The following DNAAF11 variants were observed in gnomAD, a reference collection of about 807,000 sequenced individuals.
DNAAF11 encodes the protein dynein axonemal assembly factor 11.
DNAAF11 carries 45 observed loss-of-function variants against 60.8 expected under a neutral mutation model. The ratio of observed to expected loss-of-function variants is 0.74; its 90% confidence interval spans 0.58 to 0.95. The LOEUF (loss-of-function observed/expected upper bound fraction) is 0.95. DNAAF11 is among the 40% of genes least tolerant of loss of function. The pLI, the probability that DNAAF11 is intolerant of heterozygous loss-of-function variation, is 0.00. For synonymous variants in DNAAF11, 191 were observed against 183.5 expected, an observed-to-expected ratio of 1.04 and a Z score of -0.33; for missense variants, 546 against 546.2, an observed-to-expected ratio of 1.00 and a Z score of 0.00.
chr8:132,611,040 A>G (rs1241169860), intron 9 of DNAAF11, among the ~76,000 whole-genome samples: 1 of 152,154 alleles, frequency 6.6e-6, no homozygotes, highest in Non-Finnish European at 1.5e-5. Flanking sequence ...GATTACGGGC[A>G]TGAGCCACCA....
intron 4 of DNAAF11, among the ~76,000 whole-genome samples, chr8:132,634,252 A>G (rs925726582): frequency 6.6e-6 from 1 of 152,208 alleles, no homozygotes; most frequent in African/African-American, 2.4e-5. Flanking sequence ...GAAAAACATA[A>G]CTAGTTACAC....
chr8:132,648,059 A>G (rs1251950370), intron 3 of DNAAF11, among the ~76,000 whole-genome samples: 1 of 152,160 alleles, frequency 6.6e-6, no homozygotes, highest in Non-Finnish European at 1.5e-5. Flanking sequence ...ACAACAAAAA[A>G]AGAGAGTTTC....
At chr8:132,675,287 G>C in intron 1 of DNAAF11, 197 bp downstream of exon 1, 1 of 545,820 alleles carries the variant, frequency 1.8e-6, no homozygotes, top group African/African-American at 2.0e-5. Flanking sequence ...AGCTGGAAAA[G>C]GCCAGGCTGT....
chr8:132,582,470 T>A (rs960016651), intron 11 of DNAAF11, among the ~76,000 whole-genome samples: 1 of 152,170 alleles, frequency 6.6e-6, no homozygotes, highest in South Asian at 2.1e-4. Flanking sequence ...CAAATTAGAT[T>A]CAGACTCTTT....
At chr8:132,609,661 T>G (rs1287980113) in intron 10 of DNAAF11, among the ~76,000 whole-genome samples, 1 of 152,176 alleles carries the variant, frequency 6.6e-6, no homozygotes, top group Non-Finnish European at 1.5e-5. Context: ...GAAAGTATGC[T>G]GCCCAAGTCA....
chr8:132,603,951 A>C (rs1817892984), intron 10 of DNAAF11, among the ~76,000 whole-genome samples: 1 of 152,194 alleles, frequency 6.6e-6, no homozygotes, highest in African/African-American at 2.4e-5. Context: ...GTTCATTCAT[A>C]GAATTAGGAA....
intron 6 of DNAAF11, among the ~76,000 whole-genome samples, chr8:132,623,900 C>T (rs1259765323): frequency 6.6e-6 from 1 of 152,106 alleles, no homozygotes; most frequent in African/African-American, 2.4e-5. Flanking sequence ...TCCCTGCTTA[C>T]ACCGAATTAA....
chr8:132,599,231 T>C (rs572231952), intron 10 of DNAAF11, among the ~76,000 whole-genome samples: 6 of 152,210 alleles, frequency 3.9e-5, no homozygotes, highest in East Asian at 1.9e-4. Context: ...CAGGAAGAAG[T>C]TGAATCCCTG....
intron 7 of DNAAF11, among the ~76,000 whole-genome samples, chr8:132,617,350 T>C (rs1409308806): frequency 2.0e-5 from 3 of 152,086 alleles, no homozygotes; most frequent in Admixed American, 1.3e-4. Flanking sequence ...GTCAGTAAGA[T>C]AGAAGAAAAA....
intron 10 of DNAAF11, among the ~76,000 whole-genome samples, chr8:132,589,014 C>T (rs1014759675): frequency 1.3e-5 from 2 of 152,152 alleles, no homozygotes; most frequent in Non-Finnish European, 2.9e-5. Context: ...CACCAGGCCC[C>T]ATCTCCAGCA....
rs374717230 is a variant in DNAAF11 at position 132,572,238 on chromosome 8, A to G, written c.*68T>C. The G allele has an allele frequency of 2.0e-5, 26 of 1,314,882 alleles. No homozygotes were observed. Among genetic ancestry groups the G allele is most frequent in the Non-Finnish European group, 1.3e-5 (12 of 949,346 alleles). 81.5% of individuals were successfully genotyped at this position (1,314,882 alleles called of 1,614,324 possible). A position where few individuals can be genotyped will look rare whatever the true frequency, so the allele number is the denominator to read the frequency against. ...TGTGTTTATCCCAGGAATAATATGC[A>G]TATGGTCTCTACACCAACCAAAACT... On this transcript the variant is annotated 3_prime_UTR_variant, in exon 12 of 12. Coordinates refer to ENST00000620350, the MANE Select transcript of DNAAF11 (RefSeq NM_012472.6).
At chr8:132,676,217 A>C (rs1381217020), upstream of DNAAF11, among the ~76,000 whole-genome samples, 1 of 152,054 alleles carries the variant, frequency 6.6e-6, no homozygotes, top group Non-Finnish European at 1.5e-5. Context: ...AAATGTAGGA[A>C]GTATATCTCC....
At chr8:132,622,794 A>C (rs1819891714) in intron 6 of DNAAF11, 106 bp from the exon 7 acceptor site, 1 of 793,818 alleles carries the variant, frequency 1.3e-6, no homozygotes, top group African/African-American at 1.7e-5. Flanking sequence ...TTTTAAAAAA[A>C]TTAATTGGAC....
At chr8:132,622,740 A>G in intron 6 of DNAAF11, 52 bp from the exon 7 acceptor site, 1 of 1,251,138 alleles carries the variant, frequency 8.0e-7, no homozygotes, top group South Asian at 1.3e-5. Flanking sequence ...AGAAAAAACA[A>G]GCAAAGAGAA....
At chr8:132,661,748 G>T in intron 1 of DNAAF11, 121 bp from the exon 2 acceptor site, 1 of 977,332 alleles carries the variant, frequency 1.0e-6, no homozygotes, top group Non-Finnish European at 1.6e-6. Context: ...AATTTTCCAG[G>T]CCCAAGCGAT....
intron 3 of DNAAF11, among the ~76,000 whole-genome samples, chr8:132,651,876 C>T (rs776307755): frequency 7.2e-5 from 11 of 152,180 alleles, no homozygotes; most frequent in Non-Finnish European, 1.5e-4. Flanking sequence ...AGAGCAATGA[C>T]TCCATTTCTA....
At position 132,583,759 on chromosome 8, in the gene DNAAF11, A is replaced by T. The variant is rs1173008700; in HGVS notation, c.1161T>A (p.Gly387=). Residue 387 remains glycine (G), a synonymous_variant, in exon 11 of 12, where the codon GGT becomes GGA. Transcript: ENST00000620350. ...TCATAGATTTGAATGCTCGCTGACCACCTGTGATTACTTCTCCTACCTAAA... is the reference window on the plus strand; with the variant it reads ...TCATAGATTTGAATGCTCGCTGACCTCCTGTGATTACTTCTCCTACCTAAA... The part of the protein sequence containing the change: ...CMPKVGEVIT[G]GQRAFKSMKT... 1 of 1,613,420 alleles carries T rather than the reference A, an allele frequency of 6.2e-7. No homozygotes were observed. The highest frequency in any genetic ancestry group is 1.7e-5 in the Admixed American group (1 of 59,994).
the DNAAF11 span, among the ~76,000 whole-genome samples, chr8:132,699,276 C>T: frequency 6.6e-6 from 1 of 151,944 alleles, no homozygotes; most frequent in African/African-American, 2.4e-5. Flanking sequence ...AGGAAGTTGG[C>T]CCTGAGAAGT....
the DNAAF11 span, among the ~76,000 whole-genome samples, chr8:132,681,720 A>G: frequency 6.6e-6 from 1 of 152,298 alleles, no homozygotes; most frequent in East Asian, 1.9e-4. Flanking sequence ...TCGAAGATGA[A>G]ATTAATTTTA....
Sources: allele counts gnomAD v4.1 joint callset (sites outside exome capture counted in the v4.1 genomes callset), GRCh38; gene constraint gnomAD v4.1.1; transcripts MANE v1.5; gene names NCBI Gene and HGNC (gene_info 2026-07-23, HGNC 2026-07-21).